The following PLXNA4 variants were observed in gnomAD, a reference collection of about 807,000 sequenced individuals.
PLXNA4 encodes plexin A4.
PLXNA4 carries 44 observed loss-of-function variants against 191.8 expected under a neutral mutation model. The observed-to-expected ratio is 0.23, with a 90% CI of 0.18 to 0.29. The LOEUF is 0.29. Among genes scored for constraint, PLXNA4 ranks in the 10% least tolerant of loss-of-function variants. The pLI, the probability that PLXNA4 is intolerant of heterozygous loss-of-function variation, is 1.00. For synonymous variants in PLXNA4, 1,082 were observed against 1,009.5 expected (o/e 1.07, Z -1.36); for missense variants, 1,800 against 2,488.8 (o/e 0.72, Z 5.89).
intron 24 of PLXNA4, among the ~76,000 whole-genome samples, chr7:132,161,046 C>T (rs967414075): frequency 3.2e-4 from 48 of 152,310 alleles, no homozygotes; most frequent in African/African-American, 1.1e-3. Context: ...CCCAGCTCTC[C>T]CCTCCTTCTA....
At chr7:132,134,586 G>A (rs781101200) in intron 30 of PLXNA4, among the ~76,000 whole-genome samples, 2 of 152,160 alleles carry the variant, frequency 1.3e-5, no homozygotes, top group Non-Finnish European at 2.9e-5. Flanking sequence ...CCCTGGCAAG[G>A]GAAGGGGCTG....
chr7:132,312,153 A>AATAATAATAATAATAATAATG, intron 3 of PLXNA4, among the ~76,000 whole-genome samples: 1 of 145,978 alleles, frequency 6.9e-6, no homozygotes, highest in African/African-American at 2.8e-5. Flanking sequence ...GAAGGAAAAT[A>AATAATAATAATAATAATAATG]ATAATAATAA....
rs763382097 is a variant in PLXNA4 at position 132,180,664 on chromosome 7, C to A, written c.3561G>T (p.Glu1187Asp). 1 of 1,614,208 alleles carries A rather than the reference C, an allele frequency of 6.2e-7. No individual in the cohort carries two copies. Among genetic ancestry groups the A allele is most frequent in the South Asian group, 1.1e-5 (1 of 91,084 alleles). ...CTGACACGGTCACGGTGCACGGCTTCTCCCCAACCAGCACAGTGTAGTTCA... is the reference window on the plus strand; with the variant it reads ...CTGACACGGTCACGGTGCACGGCTTATCCCCAACCAGCACAGTGTAGTTCA... Reference protein sequence around the residue: ...VKLNYTVLVGEKPCTVTVSDV... With the variant: ...VKLNYTVLVGDKPCTVTVSDV... Residue 1187 changes from glutamate to aspartate, a missense_variant, in exon 19 of 32, where the codon GAG (glutamate) becomes GAT (aspartate). Transcript: ENST00000321063.
intron 1 of PLXNA4, among the ~76,000 whole-genome samples, chr7:132,537,771 A>C (rs1426717428): frequency 3.3e-5 from 5 of 152,174 alleles, no homozygotes; most frequent in African/African-American, 1.2e-4. Flanking sequence ...CTCTGGTAAG[A>C]ATGGGAGCTG....
At chr7:132,562,466 TCC>T (rs1801239928) in intron 1 of PLXNA4, among the ~76,000 whole-genome samples, 1 of 110,700 alleles carries the variant, frequency 9.0e-6, no homozygotes, top group Non-Finnish European at 1.8e-5. Context: ...CTCCTCCTCC[TCC>T]TTTCTCCTCC....
intron 3 of PLXNA4, among the ~76,000 whole-genome samples, chr7:132,474,241 C>T (rs905043145): frequency 3.3e-5 from 5 of 151,656 alleles, no homozygotes; most frequent in Admixed American, 1.3e-4. Flanking sequence ...CACACACACA[C>T]ACACACACAC....
At chr7:132,205,434 G>C (rs944157173) in intron 10 of PLXNA4, among the ~76,000 whole-genome samples, 2 of 152,200 alleles carry the variant, frequency 1.3e-5, no homozygotes, top group Non-Finnish European at 2.9e-5. Context: ...TAGGGAGGCA[G>C]ATGACTGCCC....
intron 20 of PLXNA4, among the ~76,000 whole-genome samples, chr7:132,178,161 C>A (rs1019661826): frequency 1.3e-5 from 2 of 152,122 alleles, no homozygotes; most frequent in Non-Finnish European, 2.9e-5. Context: ...CAGATCAGCC[C>A]TACAGCCTTA....
At chr7:132,413,577 G>A (rs914699710) in intron 3 of PLXNA4, among the ~76,000 whole-genome samples, 3 of 152,158 alleles carry the variant, frequency 2.0e-5, no homozygotes, top group African/African-American at 7.2e-5. Flanking sequence ...AAAACACAAT[G>A]GAAAACACAC....
chr7:132,612,930 C>T (rs1358455574), intron 2 of PLXNA4, among the ~76,000 whole-genome samples: 3 of 151,722 alleles, frequency 2.0e-5, no homozygotes, highest in African/African-American at 7.3e-5. Flanking sequence ...ACATGATCTT[C>T]GTAAGAATAT....
chr7:132,545,486 G>C (rs932098234), intron 1 of PLXNA4, among the ~76,000 whole-genome samples: 1 of 152,182 alleles, frequency 6.6e-6, no homozygotes, highest in Non-Finnish European at 1.5e-5. Flanking sequence ...GCTGGGATGA[G>C]AAAAACAAGC....
At chr7:132,330,797 G>T (rs1303284147) in intron 3 of PLXNA4, among the ~76,000 whole-genome samples, 1 of 152,194 alleles carries the variant, frequency 6.6e-6, no homozygotes, top group Non-Finnish European at 1.5e-5. Context: ...CCTGGTGAAT[G>T]TGACCCTGTG....
At chr7:132,277,354 A>G (rs1469982174) in intron 4 of PLXNA4, among the ~76,000 whole-genome samples, 1 of 152,208 alleles carries the variant, frequency 6.6e-6, no homozygotes, top group Non-Finnish European at 1.5e-5. Flanking sequence ...AATGCACCAG[A>G]TGCTTATGGG....
At position 132,126,459 on chromosome 7, in the gene PLXNA4, TC is replaced by T. The variant is rs1390930851; in HGVS notation, c.*4019del. ...GAATGAGGAGGGACAGGGAGGATGCTCGTGGCAGGAGGAGCACAGGCAGAAG... is the reference window on the plus strand; with the variant it reads ...GAATGAGGAGGGACAGGGAGGATGCTGTGGCAGGAGGAGCACAGGCAGAAG... On this transcript the variant is annotated 3_prime_UTR_variant, in exon 32 of 32. Transcript: ENST00000321063. The T allele has an allele frequency of 6.6e-6, 1 of 152,418 alleles. No individual in the cohort carries two copies. Among genetic ancestry groups the T allele is most frequent in the Admixed American group, 6.6e-5 (1 of 15,260 alleles). 9.4% of individuals were successfully genotyped at this position (152,418 alleles called of 1,614,324 possible).
chr7:132,645,331 A>G (rs1304382122), intron 2 of PLXNA4, among the ~76,000 whole-genome samples: 1 of 152,110 alleles, frequency 6.6e-6, no homozygotes, highest in Non-Finnish European at 1.5e-5. Flanking sequence ...TTCTCATGAC[A>G]GTGAGTTCTT....
intron 4 of PLXNA4, among the ~76,000 whole-genome samples, chr7:132,275,565 T>C (rs1800243821): frequency 1.3e-5 from 2 of 152,312 alleles, no homozygotes; most frequent in South Asian, 4.2e-4. Flanking sequence ...AGGATCATGT[T>C]ACACTAAGCA....
upstream of PLXNA4, among the ~76,000 whole-genome samples, chr7:132,578,612 G>A (rs771581386): frequency 9.2e-5 from 14 of 152,146 alleles, no homozygotes; most frequent in Admixed American, 2.6e-4. Flanking sequence ...CCCAAGGTGA[G>A]CGGCACATAT....
intron 3 of PLXNA4, among the ~76,000 whole-genome samples, chr7:132,322,398 G>T (rs1405124252): frequency 2.0e-4 from 30 of 152,092 alleles, no homozygotes; most frequent in Admixed American, 2.0e-3. Context: ...AGCCAGGCTG[G>T]TCTTGAACTC....
chr7:132,287,937 C>A (rs1466005902), intron 4 of PLXNA4, among the ~76,000 whole-genome samples: 1 of 152,218 alleles, frequency 6.6e-6, no homozygotes, highest in Non-Finnish European at 1.5e-5. Context: ...TGCTCCACCA[C>A]CCCATCCCCA....
Sources: gnomAD v4.1 joint callset for allele counts (sites outside exome capture counted in the v4.1 genomes callset) on GRCh38, gnomAD v4.1.1 for gene constraint, MANE v1.5 for transcripts, NCBI Gene and HGNC (gene_info 2026-07-23, HGNC 2026-07-21) for gene names.